The following MTHFD1L variants were observed in gnomAD, a reference collection of about 807,000 sequenced individuals.
The protein encoded by MTHFD1L is methylenetetrahydrofolate dehydrogenase (NADP+ dependent) 1 like, also known as monofunctional C1-tetrahydrofolate synthase, mitochondrial.
MTHFD1L carries 81 observed loss-of-function variants against 119.5 expected under a neutral mutation model. That is an observed-to-expected ratio of 0.68 (90% CI 0.57 to 0.82). The LOEUF (loss-of-function observed/expected upper bound fraction) is 0.82, where lower values mean the gene tolerates loss of function less well. MTHFD1L is among the 40% of genes least tolerant of loss of function. MTHFD1L has a pLI of 0.00. For synonymous variants in MTHFD1L, 430 were observed against 475.2 expected (o/e 0.90, Z 1.24); for missense variants, 1,125 against 1,253.4 (o/e 0.90, Z 1.55).
At chr6:151,026,601 G>C (rs1225798797) in intron 24 of MTHFD1L, among the ~76,000 whole-genome samples, 1 of 151,966 alleles carries the variant, frequency 6.6e-6, no homozygotes, top group Non-Finnish European at 1.5e-5. Context: ...TACATTTTTG[G>C]TGAATATGAA....
In MTHFD1L at chr6:150,868,189, C is replaced by T. The variant is rs143970218; in HGVS notation, c.227+2140C>T. 1.9e-3 allele frequency among the ~76,000 whole-genome samples: 282 copies of T among 152,172 alleles called. 1 individual carries two copies. Among genetic ancestry groups the T allele is most frequent in the African/African-American group, 6.2e-3 (256 of 41,520 alleles). On this transcript the variant is annotated intron_variant, in intron 1 of 27. Coordinates refer to ENST00000367321, the MANE Select transcript of MTHFD1L (RefSeq NM_015440.5). ...GGGGCTTTAGGGCCTGCACTGGGTTCTCCAAACTCAATTCCTTCAGGAAAA... is the reference window on the plus strand; with the variant it reads ...GGGGCTTTAGGGCCTGCACTGGGTTTTCCAAACTCAATTCCTTCAGGAAAA...
chr6:151,081,588 C>T (rs1793185330), intron 26 of MTHFD1L, among the ~76,000 whole-genome samples: 2 of 151,586 alleles, frequency 1.3e-5, no homozygotes, highest in African/African-American at 4.8e-5. Flanking sequence ...AGGAGAATTA[C>T]TTGAACCTGG....
chr6:151,032,113 G>A (rs1224834081), intron 24 of MTHFD1L, among the ~76,000 whole-genome samples: 2 of 152,134 alleles, frequency 1.3e-5, no homozygotes, highest in Non-Finnish European at 1.5e-5. Context: ...TGTTCTTTTG[G>A]TTTTGTTTTA....
chr6:150,877,629 C>T lies in MTHFD1L; in HGVS notation c.313-5C>T, dbSNP rs1177852890. 1 of 1,613,878 alleles carries T rather than the reference C, an allele frequency of 6.2e-7. No homozygotes were observed. Among genetic ancestry groups the T allele is most frequent in the African/African-American group, 1.3e-5 (1 of 74,918 alleles). On this transcript the variant is annotated splice_polypyrimidine_tract_variant and splice_region_variant and intron_variant, in intron 2 of 27. Coordinates refer to ENST00000367321, the MANE Select transcript of MTHFD1L (RefSeq NM_015440.5). Reference sequence around the variant, plus strand: ...ATGTTGTTATGTTGTTTTTACCTTCCTAAGGCAGGTGACGACAACTTGATG... The same window carrying T: ...ATGTTGTTATGTTGTTTTTACCTTCTTAAGGCAGGTGACGACAACTTGATG...
intron 26 of MTHFD1L, among the ~76,000 whole-genome samples, chr6:151,054,450 C>T (rs1221332097): frequency 1.3e-5 from 2 of 152,158 alleles, no homozygotes; most frequent in Admixed American, 6.5e-5. Flanking sequence ...AAGCTGAGGA[C>T]AATGATGGAG....
chr6:151,022,139 GC>G, intron 24 of MTHFD1L: 1 of 459,036 alleles, frequency 2.2e-6, no homozygotes. Flanking sequence ...CGCTCTCACT[GC>G]CCAGATGGCC....
intron 15 of MTHFD1L, among the ~76,000 whole-genome samples, chr6:150,946,992 G>A (rs1298235084): frequency 1.3e-5 from 2 of 151,246 alleles, no homozygotes; most frequent in South Asian, 2.1e-4. Context: ...GGAGAATGGC[G>A]TGAACCCAGG....
In MTHFD1L at chr6:150,945,533, C is replaced by T. The variant is rs760762754; in HGVS notation, c.1615C>T (p.Arg539Trp). ...VREFSEIQLA[R>W]LKKLGINKTD... ...AGAATTTTCAGAAATTCAGCTTGCT[C>T]GGCTAAAAGTAAGTTTCCAGTTAGC... is the stretch of plus-strand genomic sequence containing the variant. Residue 539 changes from arginine (R) to tryptophan (W), a missense_variant, in exon 15 of 28, where the codon CGG becomes TGG. By Grantham distance (101) the Arg-to-Trp change is moderately radical (BLOSUM62 -3). Transcript: ENST00000367321. 9.9e-6 allele frequency: 16 copies of T among 1,613,640 alleles called. No homozygotes were observed. The highest frequency in any genetic ancestry group is 1.6e-4 in the Middle Eastern group (1 of 6,084).
intron 4 of MTHFD1L, among the ~76,000 whole-genome samples, chr6:150,879,565 G>A (rs1781039908): frequency 6.6e-6 from 1 of 151,548 alleles, no homozygotes; most frequent in African/African-American, 2.4e-5. Flanking sequence ...TAGGATTACA[G>A]GTGTGAGCCA....
chr6:150,913,327 G>GT lies in MTHFD1L; in HGVS notation c.893-5239dup, dbSNP rs112518853. On this transcript the variant is annotated intron_variant, in intron 8 of 27. Transcript: ENST00000367321. Reference sequence around the variant, plus strand: ...AGGCGCCCGCCACCACGCCCGGCTAGTTTTTTTTTTTGTATTTTTAGTAGA... The same window carrying GT: ...AGGCGCCCGCCACCACGCCCGGCTAGTTTTTTTTTTTTGTATTTTTAGTAGA... Among the ~76,000 whole-genome samples, 91 of 148,954 alleles carry GT rather than the reference G, an allele frequency of 6.1e-4. 1 individual carries two copies. The highest frequency in any genetic ancestry group is 7.0e-3 in the Middle Eastern group (2 of 286).
At chr6:150,988,649 C>T (rs1472093216) in intron 20 of MTHFD1L, among the ~76,000 whole-genome samples, 1 of 152,132 alleles carries the variant, frequency 6.6e-6, no homozygotes, top group East Asian at 1.9e-4. Context: ...TCTTGTTGCC[C>T]AGGCTGGAGT....
At chr6:151,005,541 A>G (rs1781266613) in intron 20 of MTHFD1L, among the ~76,000 whole-genome samples, 1 of 152,142 alleles carries the variant, frequency 6.6e-6, no homozygotes, top group Non-Finnish European at 1.5e-5. Context: ...TCCCCTAGCT[A>G]GAGTTCTCTT....
chr6:151,060,130 G>A (rs1380518075), intron 26 of MTHFD1L, among the ~76,000 whole-genome samples: 1 of 152,178 alleles, frequency 6.6e-6, no homozygotes, highest in Non-Finnish European at 1.5e-5. Context: ...ACGCCAGAAG[G>A]TATAGGACCA....
rs142699644 is a variant in MTHFD1L, at chr6:151,025,361, C to T, written c.2587-9132C>T. Reference sequence around the variant, plus strand: ...TTGTTCTCAGTAACAAGGGCAGAGCCGCTCCCGGGACTCCAGTTGGTATTG... The same window carrying T: ...TTGTTCTCAGTAACAAGGGCAGAGCTGCTCCCGGGACTCCAGTTGGTATTG... On this transcript the variant is annotated intron_variant, in intron 24 of 27. Transcript: ENST00000367321. 7.8e-3 allele frequency among the ~76,000 whole-genome samples: 1,185 copies of T among 152,320 alleles called. 8 individuals carry two copies. The highest frequency in any genetic ancestry group is 0.014 in the Non-Finnish European group (927 of 68,034).
intron 26 of MTHFD1L, among the ~76,000 whole-genome samples, chr6:151,059,796 CG>C (rs1331413664): frequency 6.6e-6 from 1 of 152,122 alleles, no homozygotes; most frequent in East Asian, 1.9e-4. Context: ...TGCTCAGTTA[CG>C]GGATGGTAAG....
At chr6:151,097,488 T>G (rs76577836) in intron 27 of MTHFD1L, among the ~76,000 whole-genome samples, 5,169 of 152,144 alleles carry the variant, frequency 0.034, 241 homozygotes, top group South Asian at 0.12. Context: ...TTATGTGAAA[T>G]AAGCTGGGCA....
At position 150,904,129 on chromosome 6, in the gene MTHFD1L, A is replaced by G. The variant is rs139512475; in HGVS notation, c.781-1521A>G. On this transcript the variant is annotated intron_variant, in intron 7 of 27. Transcript: ENST00000367321. Reference sequence around the variant, plus strand: ...TGCACCCTTTTGCCCAAATAGTGTTAAAAGTCCTCAGGCTGAGGAGCTGTC... The same window carrying G: ...TGCACCCTTTTGCCCAAATAGTGTTGAAAGTCCTCAGGCTGAGGAGCTGTC... Among the ~76,000 whole-genome samples the G allele has an allele frequency of 2.4e-3, 361 of 152,290 alleles. 3 individuals carry two copies. Among genetic ancestry groups the G allele is most frequent in the African/African-American group, 8.2e-3 (341 of 41,552 alleles).
At chr6:150,988,826 G>A (rs142807914) in intron 20 of MTHFD1L, among the ~76,000 whole-genome samples, 4,147 of 151,964 alleles carry the variant, frequency 0.027, 180 homozygotes, top group Admixed American at 0.14. Context: ...GGCTGGTCTC[G>A]AACTCCTGAC....
intron 7 of MTHFD1L, among the ~76,000 whole-genome samples, chr6:150,903,689 G>T (rs1314142917): frequency 6.6e-6 from 1 of 152,170 alleles, no homozygotes; most frequent in Non-Finnish European, 1.5e-5. Flanking sequence ...CTCCCAAAGT[G>T]CTGGGATTAC....
Sources: gnomAD v4.1 joint callset for allele counts (sites outside exome capture counted in the v4.1 genomes callset) on GRCh38, gnomAD v4.1.1 for gene constraint, MANE v1.5 for transcripts, NCBI Gene and HGNC (gene_info 2026-07-23, HGNC 2026-07-21) for gene names.